LIMCH1: variants seen among roughly 807,000 people sequenced by gnomAD.
LIMCH1 encodes the protein LIM and calponin homology domains 1.
In LIMCH1, 113 loss-of-function variants were observed where a neutral mutation model predicts 176.5. The ratio of observed to expected loss-of-function variants is 0.64; its 90% CI spans 0.55 to 0.75. The LOEUF (loss-of-function observed/expected upper bound fraction) is 0.75, where lower values mean the gene tolerates loss of function less well. Ranked by LOEUF, LIMCH1 falls within the 30% of genes least tolerant of loss-of-function variation. LIMCH1 has a pLI of 0.00. For synonymous variants in LIMCH1, 619 were observed against 645.9 expected (o/e 0.96, Z 0.63); for missense variants, 1,674 against 1,814.9 (o/e 0.92, Z 1.41).
At chr4:41,451,547 C>A (rs917106878) in intron 1 of LIMCH1, among the ~76,000 whole-genome samples, 1 of 152,180 alleles carries the variant, frequency 6.6e-6, no homozygotes, top group African/African-American at 2.4e-5. Flanking sequence ...CCCCCGGGAC[C>A]TCTCCTCTCT....
At chr4:41,495,436 T>G (rs1198231677) in intron 2 of LIMCH1, among the ~76,000 whole-genome samples, 2 of 152,158 alleles carry the variant, frequency 1.3e-5, no homozygotes, top group East Asian at 3.9e-4. Flanking sequence ...TCACTCAATC[T>G]CAAGCCCCTG....
intron 17 of LIMCH1, among the ~76,000 whole-genome samples, chr4:41,649,735 C>A (rs888854996): frequency 6.6e-6 from 1 of 152,182 alleles, no homozygotes; most frequent in Non-Finnish European, 1.5e-5. Flanking sequence ...GGCTAACCGC[C>A]CTCTCTGGTT....
intron 23 of LIMCH1, among the ~76,000 whole-genome samples, chr4:41,676,664 A>G (rs1383383182): frequency 6.6e-6 from 1 of 152,196 alleles, no homozygotes; most frequent in Admixed American, 6.5e-5. Flanking sequence ...AATAATAAAC[A>G]TGATGAAAAA....
At chr4:41,520,110 A>G (rs1014026623) in intron 2 of LIMCH1, among the ~76,000 whole-genome samples, 6 of 152,214 alleles carry the variant, frequency 3.9e-5, no homozygotes, top group African/African-American at 1.2e-4. Flanking sequence ...TAAAAATATA[A>G]ATCAGATTAT....
At chr4:41,391,723 G>A (rs1257919427) in intron 1 of LIMCH1, among the ~76,000 whole-genome samples, 1 of 152,100 alleles carries the variant, frequency 6.6e-6, no homozygotes, top group East Asian at 1.9e-4. Flanking sequence ...CCCTTCAAAA[G>A]TGTCAAGGTC....
At chr4:41,400,097 A>G (rs1422085493) in intron 1 of LIMCH1, among the ~76,000 whole-genome samples, 3 of 151,980 alleles carry the variant, frequency 2.0e-5, no homozygotes, top group Non-Finnish European at 4.4e-5. Context: ...AATAAAACCA[A>G]GGTTTGGACC....
At chr4:41,579,815 A>G (rs1006697068) in intron 1 of LIMCH1, among the ~76,000 whole-genome samples, 21 of 152,150 alleles carry the variant, frequency 1.4e-4, no homozygotes, top group African/African-American at 4.6e-4. Context: ...TGTAACATAC[A>G]TGTAGCGGTC....
In LIMCH1 at chr4:41,360,936, G is replaced by A; in HGVS notation, c.96G>A (p.Glu32=). Residue 32 remains glutamate, a splice_region_variant and synonymous_variant, in exon 1 of 27, where the codon GAG becomes GAA. Transcript: ENST00000313860. This position sits in a 1 kb window ranked among gnomAD's most constrained non-coding sequence, Gnocchi z 4.5. ...TCTCCGAGGCGCAGAAGTGGATTGA[G>A]GTAGGTGCGGGTGGCTGGCGGGCGG... 1 of 1,572,316 alleles carries A rather than the reference G, an allele frequency of 6.4e-7. No individual in the cohort carries two copies. Among genetic ancestry groups the A allele is most frequent in the Admixed American group, 1.9e-5 (1 of 53,296 alleles).
chr4:41,635,115 T>C (rs1183105497), intron 13 of LIMCH1, among the ~76,000 whole-genome samples: 2 of 152,172 alleles, frequency 1.3e-5, no homozygotes, highest in Non-Finnish European at 2.9e-5. Context: ...ACACAGCTGG[T>C]ACCTACAGAG....
chr4:41,654,219 C>T (rs948800007), intron 18 of LIMCH1, among the ~76,000 whole-genome samples: 1 of 152,198 alleles, frequency 6.6e-6, no homozygotes, highest in South Asian at 2.1e-4. Context: ...AACTGTGCTT[C>T]GAATTTTGAA....
intron 1 of LIMCH1, among the ~76,000 whole-genome samples, chr4:41,380,301 C>A (rs902423570): frequency 4.0e-5 from 6 of 151,814 alleles, no homozygotes; most frequent in Non-Finnish European, 5.9e-5. Flanking sequence ...GATTTGATAT[C>A]TTCTTTTCTT....
chr4:41,516,472 T>G (rs1335415832), intron 2 of LIMCH1, among the ~76,000 whole-genome samples: 1 of 152,232 alleles, frequency 6.6e-6, no homozygotes, highest in Non-Finnish European at 1.5e-5. Context: ...AGCTCTGACC[T>G]CAGACATGTG....
intron 31 of LIMCH1, among the ~76,000 whole-genome samples, chr4:41,694,056 G>A (rs1030725493): frequency 6.6e-6 from 1 of 151,986 alleles, no homozygotes; most frequent in Non-Finnish European, 1.5e-5. Context: ...AATATAAAGG[G>A]CATTAACTGC....
intron 2 of LIMCH1, among the ~76,000 whole-genome samples, chr4:41,602,716 G>C (rs1286018852): frequency 6.6e-6 from 1 of 151,940 alleles, no homozygotes. Flanking sequence ...GCTGAGGCAG[G>C]AGAATCGCTT....
chr4:41,656,875 G>C (rs2094478853), intron 18 of LIMCH1, among the ~76,000 whole-genome samples: 1 of 152,114 alleles, frequency 6.6e-6, no homozygotes, highest in East Asian at 1.9e-4. Flanking sequence ...TGAGAAACAG[G>C]CCCAGCACCC....
chr4:41,605,179 G>A (rs1277235887), intron 3 of LIMCH1, among the ~76,000 whole-genome samples: 5 of 152,144 alleles, frequency 3.3e-5, no homozygotes, highest in Admixed American at 6.5e-5. Flanking sequence ...ACTTGGGACC[G>A]TAGCTTCAGA....
At chr4:41,507,881 A>G (rs2074379163) in intron 2 of LIMCH1, among the ~76,000 whole-genome samples, 1 of 152,078 alleles carries the variant, frequency 6.6e-6, no homozygotes, top group Admixed American at 6.6e-5. Flanking sequence ...CGGGCAGCTG[A>G]TTTGAGATCT....
At chr4:41,640,999 G>A (rs1346376828) in intron 14 of LIMCH1, among the ~76,000 whole-genome samples, 7 of 152,146 alleles carry the variant, frequency 4.6e-5, no homozygotes, top group South Asian at 2.1e-4. Flanking sequence ...GAGTCGGTAC[G>A]TTGTGAGAGC....
At position 41,598,970 on chromosome 4, in the gene LIMCH1, A is replaced by T. The variant is rs765271902; in HGVS notation, c.-190A>T. 5.5e-5 allele frequency: 88 copies of T among 1,612,630 alleles called. No individual in the cohort carries two copies. The East Asian group carries it at 1.9e-3, about 36-fold the overall frequency. ...GTTGTAAAGAGCTCGGCCTTAAAGA[A>T]TCTCAACTTTTTGACCCGAGTGACC... On this transcript the variant is annotated 5_prime_UTR_variant, in exon 2 of 32. Transcript: ENST00000503057.
Sources: allele counts gnomAD v4.1 joint callset (sites outside exome capture counted in the v4.1 genomes callset), GRCh38; gene constraint gnomAD v4.1.1; non-coding constraint Gnocchi (gnomAD v3.1); transcripts MANE v1.5; gene names NCBI Gene and HGNC (gene_info 2026-07-23, HGNC 2026-07-21).